Variants in UGT1A10 observed in about 807,000 individuals in gnomAD.
UGT1A10 encodes the protein UDP-glucuronosyltransferase 1A10.
Under a neutral mutation model 45.8 loss-of-function variants are expected in UGT1A10, and 49 were observed. That is an observed-to-expected ratio of 1.07 (90% CI 0.85 to 1.36). The LOEUF is 1.36. UGT1A10 is among the 40% of genes most tolerant of loss of function. The pLI is 0.00. For synonymous variants in UGT1A10, 284 were observed against 249.7 expected, an observed-to-expected ratio of 1.14 and a Z score of -1.29; for missense variants, 745 against 668.6, an observed-to-expected ratio of 1.11 and a Z score of -1.26.
intron 1 of UGT1A10, among the ~76,000 whole-genome samples, chr2:233,654,495 A>T (rs2073811275): frequency 6.6e-6 from 1 of 152,226 alleles, no homozygotes; most frequent in Non-Finnish European, 1.5e-5. Context: ...GTCTCAACCT[A>T]TCAGTGATTA....
At chr2:233,758,569 A>C (rs1696913404) in intron 1 of UGT1A10, among the ~76,000 whole-genome samples, 2 of 152,222 alleles carry the variant, frequency 1.3e-5, no homozygotes, top group Non-Finnish European at 2.9e-5. Context: ...TGGTCCTAAA[A>C]AATGAAGAGT....
At chr2:233,706,052 G>A (rs1005743022) in intron 1 of UGT1A10, among the ~76,000 whole-genome samples, 4 of 152,128 alleles carry the variant, frequency 2.6e-5, no homozygotes, top group Admixed American at 1.3e-4. Flanking sequence ...CCGAGATCAC[G>A]CCACTGCATG....
intron 1 of UGT1A10, among the ~76,000 whole-genome samples, chr2:233,676,736 C>A (rs2074369528): frequency 6.6e-6 from 1 of 152,132 alleles, no homozygotes; most frequent in African/African-American, 2.4e-5. Flanking sequence ...CTGATGTTTT[C>A]ATCGTGGTAA....
At chr2:233,659,498 A>G (rs2073923943) in intron 1 of UGT1A10, among the ~76,000 whole-genome samples, 1 of 152,188 alleles carries the variant, frequency 6.6e-6, no homozygotes, top group Non-Finnish European at 1.5e-5. Context: ...TGTATTAAGT[A>G]TTCATTAAGT....
intron 1 of UGT1A10, chr2:233,761,049 G>A (rs1344319848): frequency 1.2e-6 from 2 of 1,614,174 alleles, no homozygotes; most frequent in Non-Finnish European, 1.7e-6. Flanking sequence ...CATCTGTCTG[G>A]CTGTTTAGAA....
At chr2:233,745,969 A>C (rs939174435) in intron 1 of UGT1A10, among the ~76,000 whole-genome samples, 8 of 151,718 alleles carry the variant, frequency 5.3e-5, no homozygotes, top group Non-Finnish European at 1.0e-4. Context: ...AGGGGCCCTG[A>C]AATGGGACCA....
intron 1 of UGT1A10, among the ~76,000 whole-genome samples, chr2:233,643,166 G>A (rs1223566331): frequency 6.6e-6 from 1 of 152,222 alleles, no homozygotes; most frequent in African/African-American, 2.4e-5. Flanking sequence ...CCCTGGGTGG[G>A]TCCAGAAGTG....
At chr2:233,680,982 G>T (rs2074504929) in intron 1 of UGT1A10, among the ~76,000 whole-genome samples, 1 of 151,992 alleles carries the variant, frequency 6.6e-6, no homozygotes, top group African/African-American at 2.4e-5. Context: ...TGGAGGCAGG[G>T]TTGTCAATCT....
chr2:233,727,791 C>T (rs1410826393), intron 1 of UGT1A10, among the ~76,000 whole-genome samples: 1 of 152,234 alleles, frequency 6.6e-6, no homozygotes, highest in Non-Finnish European at 1.5e-5. Flanking sequence ...CTTCCATTCA[C>T]TGCCTGTCCC....
At chr2:233,718,861 C>T (rs755547805) in intron 1 of UGT1A10, 3 of 1,613,854 alleles carry the variant, frequency 1.9e-6, no homozygotes, top group East Asian at 2.2e-5. Flanking sequence ...CGGCTGGCCA[C>T]AGGACTGCTG....
At chr2:233,653,938 C>T (rs1559326362) in intron 1 of UGT1A10, among the ~76,000 whole-genome samples, 1 of 152,196 alleles carries the variant, frequency 6.6e-6, no homozygotes, top group Non-Finnish European at 1.5e-5. Context: ...ACAAAAGGGA[C>T]ATCTCTTCAT....
Position 233,667,523 on chromosome 2 carries a change from T to C in UGT1A10, c.855+30146T>C, listed in dbSNP as rs541381777. Among the ~76,000 whole-genome samples the C allele has an allele frequency of 4.1e-4, 62 of 152,254 alleles. 1 individual carries two copies. Among genetic ancestry groups the C allele is most frequent in the African/African-American group, 1.2e-3 (51 of 41,544 alleles). On this transcript the variant is annotated intron_variant, in intron 1 of 4. Coordinates refer to ENST00000344644, the MANE Select transcript of UGT1A10 (RefSeq NM_019075.4). ...AAAGCAGTGGCAACAAAAGCCAAAA[T>C]TGACAAATGGGATCTCATTAAACTA...
chr2:233,700,381 G>T (rs1575468100), intron 1 of UGT1A10, among the ~76,000 whole-genome samples: 1 of 152,232 alleles, frequency 6.6e-6, no homozygotes, highest in East Asian at 1.9e-4. Context: ...GGCATTTCCA[G>T]GCATGTGGAA....
At position 233,769,882 on chromosome 2, in the gene UGT1A10, TC is replaced by T; in HGVS notation, c.1295+1445del. On this transcript the variant is annotated intron_variant, in intron 4 of 4. Transcript: ENST00000344644. This position sits in a 1 kb window ranked among gnomAD's most constrained non-coding sequence, Gnocchi z 4.4. The stretch of plus-strand genomic sequence containing the variant: ...CAAAAAAAAAAAAAAAAATGAAAAG[TC>T]CACATAACCTGAGCATCATGTGCCC... 1 of 408,610 alleles carries T rather than the reference TC, an allele frequency of 2.4e-6. No homozygotes were observed. Among genetic ancestry groups the T allele is most frequent in the Non-Finnish European group, 4.3e-6 (1 of 234,370 alleles). 25.3% of individuals were successfully genotyped at this position (408,610 alleles called of 1,614,324 possible).
At chr2:233,651,972 A>C (rs2073754059) in intron 1 of UGT1A10, among the ~76,000 whole-genome samples, 1 of 152,212 alleles carries the variant, frequency 6.6e-6, no homozygotes, top group Non-Finnish European at 1.5e-5. Context: ...ATTCAAGAGA[A>C]CATCAAGATA....
intron 1 of UGT1A10, among the ~76,000 whole-genome samples, chr2:233,746,833 TG>T (rs1311657706): frequency 6.6e-6 from 1 of 151,788 alleles, no homozygotes; most frequent in Non-Finnish European, 1.5e-5. Context: ...CTACCACTGT[TG>T]GGGACCTCTC....
At chr2:233,680,312 C>G (rs1217539117) in intron 1 of UGT1A10, among the ~76,000 whole-genome samples, 2 of 152,136 alleles carry the variant, frequency 1.3e-5, no homozygotes, top group Non-Finnish European at 2.9e-5. Flanking sequence ...ATGCAATTTA[C>G]TAGAGAGAAG....
Position 233,672,208 on chromosome 2 carries a change from G to C in UGT1A10, c.855+34831G>C, listed in dbSNP as rs1559334155. The stretch of plus-strand genomic sequence containing the variant: ...GGAGGATCTGGACCGGGAGTTCAAG[G>C]CTTTTGCCCATGCTCAATGGAAAGC... On this transcript the variant is annotated intron_variant, in intron 1 of 4. Transcript: ENST00000344644. 1 of 1,614,156 alleles carries C rather than the reference G, an allele frequency of 6.2e-7. No homozygotes were observed. Among genetic ancestry groups the C allele is most frequent in the Admixed American group, 1.7e-5 (1 of 60,022 alleles).
intron 1 of UGT1A10, chr2:233,717,688 G>A: frequency 2.3e-6 from 1 of 441,794 alleles, no homozygotes; most frequent in South Asian, 1.6e-5. Flanking sequence ...ATGTAGGAGT[G>A]ACTTTCTGGA....
Sources: allele counts gnomAD v4.1 joint callset (sites outside exome capture counted in the v4.1 genomes callset), GRCh38; gene constraint gnomAD v4.1.1; non-coding constraint Gnocchi (gnomAD v3.1); transcripts MANE v1.5; gene names NCBI Gene and HGNC (gene_info 2026-07-23, HGNC 2026-07-21).